Variants in CASC3 observed in about 807,000 individuals in gnomAD.
CASC3 encodes protein CASC3.
A neutral mutation model predicts 80.5 loss-of-function variants in CASC3; 30 were observed. That is an observed-to-expected ratio of 0.37 (90% confidence interval 0.28 to 0.51). The LOEUF (loss-of-function observed/expected upper bound fraction) is 0.51, where lower values mean the gene tolerates loss of function less well. Among genes scored for constraint, CASC3 ranks in the 20% least tolerant of loss-of-function variants. CASC3 has a pLI of 0.94. For missense variants in CASC3, 824 were observed against 922.2 expected, an observed-to-expected ratio of 0.89 and a Z score of 1.38; for synonymous variants, 312 against 333.6, an observed-to-expected ratio of 0.94 and a Z score of 0.70.
rs143365366 is a variant in CASC3 at position 40,163,878 on chromosome 17, C to A, written c.1183C>A (p.Pro395Thr). ...AAAPDAAPPPPDRPIEKKSYS... is the reference protein window; with the variant it reads ...AAAPDAAPPPTDRPIEKKSYS... The stretch of plus-strand genomic sequence containing the variant: ...TGCTCCTGATGCTGCACCACCACCC[C>A]CTGATAGGCCCATTGAGAAGAAATC... Residue 395 changes from proline (P) to threonine (T), a missense_variant, in exon 7 of 14, where the codon CCT becomes ACT. Pro to Thr is a conservative substitution (Grantham distance 38). Around this residue, in one of 3 missense-constraint regions of CASC3, gnomAD observed 464 missense variants for 506.0 expected, o/e 0.92. Coordinates refer to ENST00000264645, the MANE Select transcript of CASC3 (RefSeq NM_007359.5). 2.2e-5 allele frequency: 35 copies of A among 1,614,060 alleles called. No homozygotes were observed. In the Admixed American group the frequency reaches 2.8e-4, roughly 13 times the overall value.
rs1210806958 is a variant in CASC3, at chr17:40,140,634, C to T, written c.86C>T (p.Pro29Leu). 2 of 1,608,546 alleles carry T rather than the reference C, an allele frequency of 1.2e-6. No individual in the cohort carries two copies. The highest frequency in any genetic ancestry group is 1.7e-6 in the Non-Finnish European group (2 of 1,178,992). ...GASGSDSGGS[P>L]LRGGGSCSGS... ...TCGGGCTCCGACAGCGGCGGCTCCC[C>T]GTTGCGGGGAGGCGGGAGCTGCAGC... Residue 29 changes from proline to leucine, a missense_variant, in exon 1 of 14, where the codon CCG becomes CTG. Pro to Leu is a moderately conservative substitution (Grantham distance 98). Coordinates refer to ENST00000264645, the MANE Select transcript of CASC3 (RefSeq NM_007359.5).
In CASC3 at chr17:40,171,825, C is replaced by G; in HGVS notation, c.*1420C>G. ...TTATTCCTTCCATCTAGCAGCTGGC[C>G]TAATCACTCTGAGTCACAGGTGTGG... On this transcript the variant is annotated 3_prime_UTR_variant, in exon 14 of 14. Transcript: ENST00000264645. 1 of 1,181,096 alleles carries G rather than the reference C, an allele frequency of 8.5e-7. No individual in the cohort carries two copies. The highest frequency in any genetic ancestry group is 1.1e-6 in the Non-Finnish European group (1 of 937,916). The allele number at this position is 1,181,096 out of a possible 1,614,324, so 73.2% of individuals were successfully genotyped here. A position where few individuals can be genotyped will look rare whatever the true frequency, so the allele number is the denominator to read the frequency against.
chr17:40,144,558 T>C (rs1988804633), intron 3 of CASC3, among the ~76,000 whole-genome samples: 1 of 151,324 alleles, frequency 6.6e-6, no homozygotes, highest in Non-Finnish European at 1.5e-5. Flanking sequence ...TTGGCCAGGC[T>C]GGTCATGAAC....
chr17:40,160,215 C>G (rs1989258706), intron 3 of CASC3, among the ~76,000 whole-genome samples: 1 of 152,098 alleles, frequency 6.6e-6, no homozygotes, highest in Admixed American at 6.6e-5. Context: ...ATTCATGGGC[C>G]AGGTACAGTG....
At chr17:40,145,035 G>C (rs1988821638) in intron 3 of CASC3, among the ~76,000 whole-genome samples, 1 of 150,334 alleles carries the variant, frequency 6.7e-6, no homozygotes, top group Non-Finnish European at 1.5e-5. Flanking sequence ...TAATTTTTGT[G>C]TTTTTAGTAG....
intron 8 of CASC3, chr17:40,167,150 CA>C (rs1276070649): frequency 4.1e-6 from 2 of 487,344 alleles, no homozygotes; most frequent in Non-Finnish European, 7.2e-6. Flanking sequence ...TTAGTAAAGA[CA>C]GGGTTTCACC....
chr17:40,140,868 G>C (rs1988694885), intron 1 of CASC3, 89 bp downstream of exon 1: 2 of 1,029,540 alleles, frequency 1.9e-6, no homozygotes, highest in Admixed American at 3.1e-5. Context: ...TCTGTGAGTT[G>C]ATAGTAGATA....
At position 40,172,028 on chromosome 17, in the gene CASC3, G is replaced by A; in HGVS notation, c.*1623G>A. On this transcript the variant is annotated 3_prime_UTR_variant, in exon 14 of 14. Transcript: ENST00000264645. ...CCAGATTCCCAGACCTTAAGACACT[G>A]TGAGAGTTGTCTCTGTTGGTCCACT... 7.8e-7 allele frequency: 1 copy of A among 1,290,008 alleles called. No individual in the cohort carries two copies. The highest frequency in any genetic ancestry group is 1.0e-6 in the Non-Finnish European group (1 of 988,886). The allele number at this position is 1,290,008 out of a possible 1,614,324, so 79.9% of individuals were successfully genotyped here.
chr17:40,170,949 C>T lies in CASC3; in HGVS notation c.*544C>T, dbSNP rs1176663883. ...TTCCCTTTTGACTCTTCCGTGCATCCCAGATAATGGAGAATGTATCAGCCA... is the reference window on the plus strand; with the variant it reads ...TTCCCTTTTGACTCTTCCGTGCATCTCAGATAATGGAGAATGTATCAGCCA... On this transcript the variant is annotated 3_prime_UTR_variant, in exon 14 of 14. Transcript: ENST00000264645. 1.0e-6 allele frequency: 1 copy of T among 985,286 alleles called. No individual in the cohort carries two copies. The highest frequency in any genetic ancestry group is 1.2e-6 in the Non-Finnish European group (1 of 829,922). The allele number at this position is 985,286 out of a possible 1,614,324, so 61.0% of individuals were successfully genotyped here. A position where few individuals can be genotyped will look rare whatever the true frequency, so the allele number is the denominator to read the frequency against.
intron 3 of CASC3, among the ~76,000 whole-genome samples, chr17:40,144,348 T>TC (rs1294913943): frequency 2.7e-5 from 4 of 150,770 alleles, no homozygotes; most frequent in Non-Finnish European, 5.9e-5. Context: ...TCTTTTTCTT[T>TC]TTTTTTTTTT....
intron 3 of CASC3, among the ~76,000 whole-genome samples, chr17:40,142,668 C>A (rs901304710): frequency 2.0e-5 from 3 of 152,146 alleles, no homozygotes; most frequent in Non-Finnish European, 4.4e-5. Context: ...GCGGGCGGAT[C>A]ACGAGGTCAG....
rs534805233 is a variant in CASC3 at position 40,143,130 on chromosome 17, C to G, written c.297+1523C>G. On this transcript the variant is annotated intron_variant, in intron 3 of 13. Coordinates refer to ENST00000264645, the MANE Select transcript of CASC3 (RefSeq NM_007359.5). ...AAATAAAAGAAAGGCTGTAGGGGTA[C>G]AAAAAGAATAGTAATTAGAATGAAT... Among the ~76,000 whole-genome samples the G allele has an allele frequency of 4.2e-4, 64 of 150,756 alleles. 1 individual carries two copies. The highest frequency in any genetic ancestry group is 3.8e-3 in the South Asian group (18 of 4,754).
rs757410266 is a variant in CASC3, at chr17:40,169,660, AAAGT to A, written c.*41+3_*41+6del. On this transcript the variant is annotated splice_donor_variant and 3_prime_UTR_variant, in exon 13 of 14. Transcript: ENST00000264645. LOFTEE classifies it low-confidence loss of function (3UTR_SPLICE). ...ATATTTTAAATCTTAACATCATATA[AAAGT>A]AAGTGCACAACTTACTGTGAATATT... 221 of 1,519,470 alleles carry A rather than the reference AAAGT, an allele frequency of 1.5e-4. 1 individual carries two copies. The highest frequency in any genetic ancestry group is 1.9e-4 in the Non-Finnish European group (217 of 1,117,434). 94.1% of individuals were successfully genotyped at this position (1,519,470 alleles called of 1,614,324 possible). A position where few individuals can be genotyped will look rare whatever the true frequency, so the allele number is the denominator to read the frequency against.
Position 40,140,786 on chromosome 17 carries a change from G to A in CASC3, c.231+7G>A. On this transcript the variant is annotated splice_region_variant and intron_variant, in intron 1 of 13. Coordinates refer to ENST00000264645, the MANE Select transcript of CASC3 (RefSeq NM_007359.5). Reference sequence around the variant, plus strand: ...TGCTGAGGAGTCGGAGTGTGTGAGTGCGCGCAGGCGGGGCGGGGTGGGGAC... The same window carrying A: ...TGCTGAGGAGTCGGAGTGTGTGAGTACGCGCAGGCGGGGCGGGGTGGGGAC... The A allele has an allele frequency of 2.1e-6, 3 of 1,443,060 alleles. No individual in the cohort carries two copies. Among genetic ancestry groups the A allele is most frequent in the Non-Finnish European group, 2.7e-6 (3 of 1,099,600 alleles). 89.4% of individuals were successfully genotyped at this position (1,443,060 alleles called of 1,614,324 possible). A position where few individuals can be genotyped will look rare whatever the true frequency, so the allele number is the denominator to read the frequency against.
intron 10 of CASC3, 58 bp from the exon 11 acceptor site, chr17:40,168,145 G>T: frequency 6.7e-7 from 1 of 1,496,724 alleles, no homozygotes; most frequent in South Asian, 1.1e-5. Context: ...GTCCAGCCGG[G>T]CCATCCTGTG....
At chr17:40,156,003 A>G (rs1989137310) in intron 3 of CASC3, among the ~76,000 whole-genome samples, 1 of 152,178 alleles carries the variant, frequency 6.6e-6, no homozygotes, top group Non-Finnish European at 1.5e-5. Flanking sequence ...TTGACATCCT[A>G]CCACAGATCA....
intron 11 of CASC3, 169 bp from the exon 12 acceptor site, chr17:40,169,155 G>T (rs1989527507): frequency 2.9e-6 from 2 of 693,638 alleles, no homozygotes; most frequent in Non-Finnish European, 4.6e-6. Context: ...TAATAATGAA[G>T]AATTAAGGCA....
intron 6 of CASC3, 72 bp downstream of exon 6, chr17:40,162,973 C>A: frequency 1.5e-6 from 2 of 1,375,760 alleles, no homozygotes; most frequent in Admixed American, 1.8e-5. Context: ...GGAATCCCGG[C>A]ACTTTGGGAG....
chr17:40,157,116 C>T (rs1989166996), intron 3 of CASC3, among the ~76,000 whole-genome samples: 1 of 151,512 alleles, frequency 6.6e-6, no homozygotes, highest in African/African-American at 2.4e-5. Flanking sequence ...GAGGCCGAGG[C>T]GGGTGGATCA....
Sources: gnomAD v4.1 joint callset for allele counts (sites outside exome capture counted in the v4.1 genomes callset) on GRCh38, gnomAD v4.1.1 for gene constraint, gnomAD v4.1.1 regional missense constraint, MANE v1.5 for transcripts, NCBI Gene and HGNC (gene_info 2026-07-23, HGNC 2026-07-21) for gene names.